The following HERC2 variants were observed in gnomAD, a reference collection of about 807,000 sequenced individuals.
HERC2 encodes the protein HECT and RLD domain containing E3 ubiquitin protein ligase 2.
A neutral mutation model predicts 537.7 loss-of-function variants in HERC2; 102 were observed. The ratio of observed to expected loss-of-function variants is 0.19; its 90% CI spans 0.16 to 0.22. The LOEUF is 0.22. Among genes scored for constraint, HERC2 ranks in the 10% least tolerant of loss-of-function variants. The pLI is 1.00. For missense variants in HERC2, 4,236 were observed against 6,198.2 expected (o/e 0.68, Z 10.63); for synonymous variants, 2,224 against 2,466.2 (o/e 0.90, Z 2.91).
intron 80 of HERC2, 58 bp downstream of exon 80, chr15:28,132,595 C>A: frequency 7.4e-7 from 1 of 1,345,236 alleles, no homozygotes; most frequent in Non-Finnish European, 9.6e-7. Flanking sequence ...CCGCCCCCAT[C>A]TGACAGCAGC....
At position 28,122,518 on chromosome 15, in the gene HERC2, C is replaced by T. The variant is rs918606384; in HGVS notation, c.13189-1089G>A. On this transcript the variant is annotated intron_variant, in intron 85 of 92. Transcript: ENST00000261609. This position sits in a 1 kb window ranked among gnomAD's most constrained non-coding sequence, Gnocchi z 4.1. ...GGGTATCCTGGCGGCACCCCAGCCC[C>T]ATGCCTCTCGCACAGCCCAGACTCA... 2.6e-5 allele frequency among the ~76,000 whole-genome samples: 4 copies of T among 152,164 alleles called. No homozygotes were observed. Among genetic ancestry groups the T allele is most frequent in the South Asian group, 4.1e-4 (2 of 4,832 alleles).
chr15:28,137,637 T>C (rs1246785215), intron 78 of HERC2, among the ~76,000 whole-genome samples: 3 of 152,218 alleles, frequency 2.0e-5, no homozygotes, highest in Admixed American at 2.0e-4. Context: ...GATAAATGTG[T>C]ATGTTCTGAT....
At chr15:28,133,259 T>C (rs548703462) in intron 79 of HERC2, among the ~76,000 whole-genome samples, 30 of 152,336 alleles carry the variant, frequency 2.0e-4, no homozygotes, top group South Asian at 4.1e-4. Context: ...TTTTAACATA[T>C]GAATGTCACT....
intron 4 of HERC2, among the ~76,000 whole-genome samples, chr15:28,287,764 C>T (rs1316834940): frequency 1.5e-5 from 2 of 132,346 alleles, no homozygotes; most frequent in African/African-American, 6.0e-5. Context: ...CTCACCCTGT[C>T]ACCCAGGCTA....
chr15:28,288,649 G>C (rs990287312), intron 4 of HERC2, among the ~76,000 whole-genome samples: 2 of 151,050 alleles, frequency 1.3e-5, no homozygotes, highest in Non-Finnish European at 2.9e-5. Context: ...AGTTCAAGGC[G>C]AGCCTGGCAA....
intron 69 of HERC2, among the ~76,000 whole-genome samples, chr15:28,158,621 T>C (rs1323342580): frequency 6.6e-6 from 1 of 152,238 alleles, no homozygotes; most frequent in Non-Finnish European, 1.5e-5. Flanking sequence ...ATTTTGAGCC[T>C]ATGTGTGTCT....
rs768261995 is a variant in HERC2, at chr15:28,230,411, G to C, written c.4765C>G (p.Pro1589Ala). 5.3e-6 allele frequency: 8 copies of C among 1,517,640 alleles called. No homozygotes were observed. The highest frequency in any genetic ancestry group is 7.2e-6 in the Non-Finnish European group (8 of 1,109,514). The allele number at this position is 1,517,640 out of a possible 1,614,324, so 94.0% of individuals were successfully genotyped here. ...ATGGGTCTCTTGTCCACATTTATTGGACTATGAGGCAAAATGCAAGCTTCT... is the reference window on the plus strand; with the variant it reads ...ATGGGTCTCTTGTCCACATTTATTGCACTATGAGGCAAAATGCAAGCTTCT... ...LEEACILPHS[P>A]INVDKRPIAI... The change falls in exon 31 of 93, where the codon CCA (proline) becomes GCA (alanine). Residue 1589 changes from proline to alanine, a missense_variant. Transcript: ENST00000261609.
chr15:28,317,017 C>A (rs186554478), intron 2 of HERC2, among the ~76,000 whole-genome samples: 69 of 152,154 alleles, frequency 4.5e-4, no homozygotes, highest in African/African-American at 1.6e-3. Flanking sequence ...CCTCAGCCTC[C>A]CAAACTGCTA....
chr15:28,129,001 C>T (rs879695109), intron 83 of HERC2, among the ~76,000 whole-genome samples: 4 of 152,206 alleles, frequency 2.6e-5, no homozygotes, highest in Admixed American at 2.6e-4. Flanking sequence ...ACTCTTCTGC[C>T]TCCTTTTCTG....
At chr15:28,287,740 G>GTTTTTTTTTTTTTTTTTTTTTTT (rs1461307820) in intron 4 of HERC2, among the ~76,000 whole-genome samples, 3 of 141,048 alleles carry the variant, frequency 2.1e-5, no homozygotes, top group Non-Finnish European at 3.0e-5. Flanking sequence ...TTTTTTTTTG[G>GTTTTTTTTTTTTTTTTTTTTTTT]TTTGAGATGG....
intron 4 of HERC2, among the ~76,000 whole-genome samples, chr15:28,290,143 AGAT>A (rs1356093847): frequency 1.3e-5 from 2 of 152,348 alleles, no homozygotes; most frequent in Non-Finnish European, 2.9e-5. Flanking sequence ...AAGATCTCTG[AGAT>A]TCATGTCAAA....
chr15:28,213,895 T>C lies in HERC2; in HGVS notation c.6633A>G (p.Gly2211=). ...CCAGGCGCAGGCGACCATCGATGCC[T>C]CCAATCACAGCCAGGACTGCCATGA... ...GGLMAVLAVI[G]GIDGRLRLGG... is the part of the protein sequence containing the mutation. Residue 2211 remains glycine, a synonymous_variant, in exon 42 of 93, where the codon GGA becomes GGG. Coordinates refer to ENST00000261609, the MANE Select transcript of HERC2 (RefSeq NM_004667.6). 6.2e-7 allele frequency: 1 copy of C among 1,613,872 alleles called. No individual in the cohort carries two copies. Among genetic ancestry groups the C allele is most frequent in the Non-Finnish European group, 8.5e-7 (1 of 1,179,984 alleles).
chr15:28,225,371 A>G (rs1418021418), intron 35 of HERC2, among the ~76,000 whole-genome samples: 1 of 152,130 alleles, frequency 6.6e-6, no homozygotes, highest in Non-Finnish European at 1.5e-5. Context: ...GTTTCTGACA[A>G]GAACAAAAAA....
At chr15:28,160,501 C>T (rs187352645) in intron 69 of HERC2, among the ~76,000 whole-genome samples, 164 of 152,306 alleles carry the variant, frequency 1.1e-3, no homozygotes, top group African/African-American at 3.8e-3. Flanking sequence ...TAGCAATGAG[C>T]GAGGCTCCGT....
intron 69 of HERC2, among the ~76,000 whole-genome samples, chr15:28,154,994 C>T (rs1892845598): frequency 1.3e-5 from 2 of 148,208 alleles, no homozygotes; most frequent in Admixed American, 6.9e-5. Flanking sequence ...CAATTCCCAC[C>T]TATAAGTGAG....
At chr15:28,170,141 C>A (rs908075740) in intron 65 of HERC2, among the ~76,000 whole-genome samples, 3 of 152,182 alleles carry the variant, frequency 2.0e-5, no homozygotes, top group African/African-American at 7.2e-5. Flanking sequence ...AATTGATACA[C>A]AGATTTAATG....
chr15:28,167,719 T>C lies in HERC2; in HGVS notation c.10522A>G (p.Ile3508Val). 2 of 1,614,216 alleles carry C rather than the reference T, an allele frequency of 1.2e-6. No individual in the cohort carries two copies. The highest frequency in any genetic ancestry group is 1.7e-6 in the Non-Finnish European group (2 of 1,180,038). ...PVTDDLGAAS[I>V]IAETMTKTKE... ...GTTTTGGTCATGGTTTCTGCAATGA[T>C]GCTTGCGGCTCCCAGGTCATCCGTC... The change falls in exon 68 of 93, where the codon ATC becomes GTC. Residue 3508 changes from isoleucine (I) to valine (V), a missense_variant. Physicochemically the swap from Ile to Val is conservative, Grantham distance 29. Transcript: ENST00000261609.
intron 78 of HERC2, among the ~76,000 whole-genome samples, chr15:28,140,388 A>G (rs1891095031): frequency 6.6e-6 from 1 of 152,214 alleles, no homozygotes; most frequent in Admixed American, 6.5e-5. Flanking sequence ...AAGGAACAGC[A>G]TTCATTTAGA....
intron 2 of HERC2, among the ~76,000 whole-genome samples, chr15:28,321,081 C>T (rs1284206286): frequency 6.6e-6 from 1 of 152,070 alleles, no homozygotes; most frequent in Admixed American, 6.5e-5. Flanking sequence ...AGGAGTGTGG[C>T]AGATTTCTTA....
Sources: gnomAD v4.1 joint callset for allele counts (sites outside exome capture counted in the v4.1 genomes callset) on GRCh38, gnomAD v4.1.1 for gene constraint, Gnocchi (gnomAD v3.1) non-coding constraint, MANE v1.5 for transcripts, NCBI Gene and HGNC (gene_info 2026-07-23, HGNC 2026-07-21) for gene names.